Variants in CARD10 observed in about 807,000 individuals in gnomAD.
The protein encoded by CARD10 is caspase recruitment domain-containing protein 10.
In CARD10, 49 loss-of-function variants were observed where a neutral mutation model predicts 114.6. The observed-to-expected ratio is 0.43, with a 90% confidence interval of 0.34 to 0.54. The LOEUF (loss-of-function observed/expected upper bound fraction) is 0.54. Among genes scored for constraint, CARD10 ranks in the 20% least tolerant of loss-of-function variants. The pLI is 0.03. For synonymous variants in CARD10, 602 were observed against 593.2 expected, an observed-to-expected ratio of 1.01 and a Z score of -0.21; for missense variants, 1,206 against 1,397.2, an observed-to-expected ratio of 0.86 and a Z score of 2.18.
chr22:37,516,188 G>A lies in CARD10; in HGVS notation c.484C>T (p.Arg162Trp), dbSNP rs1393624241. 4 of 1,592,230 alleles carry A rather than the reference G, an allele frequency of 2.5e-6. No individual in the cohort carries two copies. Among genetic ancestry groups the A allele is most frequent in the Admixed American group, 1.7e-5 (1 of 57,192 alleles). Reference protein sequence around the residue: ...QREQQLQARGRVLEEERAGLE... With the variant: ...QREQQLQARGWVLEEERAGLE... ...CCTGCCCGCTCCTCCTCGAGCACCC[G>A]GCCCCGGGCCTGCAGTTGCTGCTCC... is the stretch of plus-strand genomic sequence containing the variant. Residue 162 changes from arginine (R) to tryptophan (W), a missense_variant, in exon 3 of 20, where the codon CGG becomes TGG. Around this residue, in one of 2 missense-constraint regions of CARD10, gnomAD observed 1,068 missense variants for 1,179.1 expected, o/e 0.91. Transcript: ENST00000251973.
At chr22:37,502,445 G>A (rs775998477) in intron 11 of CARD10, among the ~76,000 whole-genome samples, 157 bp downstream of exon 11, 11 of 152,244 alleles carry the variant, frequency 7.2e-5, no homozygotes, top group Non-Finnish European at 1.6e-4. Context: ...ATCAAGAGCG[G>A]CAGCAGGATT....
chr22:37,508,756 C>T (rs530557140), intron 4 of CARD10, 74 bp from the exon 5 acceptor site: 30 of 1,451,450 alleles, frequency 2.1e-5, no homozygotes, highest in East Asian at 1.7e-4. Flanking sequence ...GAAGGGGACA[C>T]GCAGCTCTCA....
intron 3 of CARD10, among the ~76,000 whole-genome samples, chr22:37,512,520 C>T (rs1315873935): frequency 6.8e-6 from 1 of 146,726 alleles, no homozygotes; most frequent in Non-Finnish European, 1.5e-5. Flanking sequence ...CACACACACA[C>T]GGGTCTGGAG....
At chr22:37,509,449 CAG>C (rs1324048272) in intron 4 of CARD10, among the ~76,000 whole-genome samples, 1 of 152,104 alleles carries the variant, frequency 6.6e-6, no homozygotes, top group Non-Finnish European at 1.5e-5. Flanking sequence ...GCCCTCAGCT[CAG>C]AGCTTCAGGC....
intron 11 of CARD10, among the ~76,000 whole-genome samples, chr22:37,497,480 G>A (rs995297715): frequency 5.9e-5 from 9 of 152,140 alleles, no homozygotes; most frequent in Non-Finnish European, 1.2e-4. Context: ...CCATCAGAAC[G>A]AACACCTTCA....
intron 7 of CARD10, 124 bp downstream of exon 7, chr22:37,506,068 C>T (rs187003463): frequency 3.9e-5 from 28 of 724,752 alleles, no homozygotes; most frequent in African/African-American, 1.6e-4. Flanking sequence ...CTTCCCACTT[C>T]CCCCAAGCTT....
intron 3 of CARD10, among the ~76,000 whole-genome samples, chr22:37,513,574 C>T (rs1446142634): frequency 2.0e-5 from 3 of 152,150 alleles, no homozygotes; most frequent in South Asian, 4.1e-4. Context: ...CCAATCGCAT[C>T]ACACCCAACC....
chr22:37,506,804 GGC>G (rs1923426905), intron 6 of CARD10, among the ~76,000 whole-genome samples: 1 of 152,166 alleles, frequency 6.6e-6, no homozygotes, highest in African/African-American at 2.4e-5. Context: ...GAAGACCAGG[GGC>G]TCCAGAGCTG....
intron 2 of CARD10, among the ~76,000 whole-genome samples, chr22:37,517,594 A>T (rs1923883612): frequency 6.6e-6 from 1 of 152,130 alleles, no homozygotes; most frequent in Admixed American, 6.5e-5. Context: ...GTGAGCTGAG[A>T]TCGCGCCACT....
chr22:37,500,636 A>G (rs1923179725), intron 11 of CARD10, among the ~76,000 whole-genome samples: 1 of 152,174 alleles, frequency 6.6e-6, no homozygotes, highest in African/African-American at 2.4e-5. Context: ...TGGGCACACA[A>G]TACGGATGTG....
rs757872768 is a variant in CARD10, at chr22:37,491,376, G to A, written c.2882C>T (p.Pro961Leu). The change falls in exon 20 of 20, where the codon CCG becomes CTG. Residue 961 changes from proline to leucine, a missense_variant. This residue lies in a region of CARD10 where 1,068 missense variants were observed against 1,179.1 expected (regional missense o/e 0.91). Coordinates refer to ENST00000251973, the MANE Select transcript of CARD10 (RefSeq NM_014550.4). ...VREVRGLLGRPGWRDSELLRQ... is the reference protein window; with the variant it reads ...VREVRGLLGRLGWRDSELLRQ... The stretch of plus-strand genomic sequence containing the variant: ...CAGCAGCTCTGAGTCCCGCCAGCCC[G>A]GCCGGCCCAGCAGACCCCTGCCGAG... The A allele has an allele frequency of 2.9e-5, 44 of 1,501,454 alleles. No individual in the cohort carries two copies. In the Middle Eastern group the frequency reaches 5.4e-4, roughly 18 times the overall value. 93.0% of individuals were successfully genotyped at this position (1,501,454 alleles called of 1,614,324 possible).
At chr22:37,515,317 C>T (rs1221755520) in intron 3 of CARD10, among the ~76,000 whole-genome samples, 1 of 152,140 alleles carries the variant, frequency 6.6e-6, no homozygotes, top group Non-Finnish European at 1.5e-5. Context: ...AATCCCAGCA[C>T]TTTGGGAGGC....
intron 10 of CARD10, 64 bp downstream of exon 10, chr22:37,503,121 G>A: frequency 6.5e-7 from 1 of 1,540,944 alleles, no homozygotes; most frequent in Non-Finnish European, 8.9e-7. Flanking sequence ...CAGGCTTCAG[G>A]TGGGCTGCAA....
At chr22:37,505,662 C>T (rs922703118) in intron 7 of CARD10, among the ~76,000 whole-genome samples, 6 of 150,574 alleles carry the variant, frequency 4.0e-5, no homozygotes, top group African/African-American at 1.2e-4. Flanking sequence ...AAGGAAAAAG[C>T]AGAGCTCCCG....
rs764400822 is a variant in CARD10 at position 37,508,082 on chromosome 22, C to T, written c.1066-128G>A. On this transcript the variant is annotated intron_variant, in intron 5 of 19. Coordinates refer to ENST00000251973, the MANE Select transcript of CARD10 (RefSeq NM_014550.4). Reference sequence around the variant, plus strand: ...CTGAGACCCAATAACAAGTCCCCTCCTGCCCAGTGGAGTGGTCTGAGCCAC... The same window carrying T: ...CTGAGACCCAATAACAAGTCCCCTCTTGCCCAGTGGAGTGGTCTGAGCCAC... 668 of 1,130,342 alleles carry T rather than the reference C, an allele frequency of 5.9e-4. 6 individuals carry two copies. The highest frequency in any genetic ancestry group is 5.0e-4 in the Admixed American group (25 of 49,704). 70.0% of individuals were successfully genotyped at this position (1,130,342 alleles called of 1,614,324 possible). A position where few individuals can be genotyped will look rare whatever the true frequency, so the allele number is the denominator to read the frequency against.
intron 7 of CARD10, 99 bp from the exon 8 acceptor site, chr22:37,504,868 A>T (rs998008826): frequency 6.7e-6 from 4 of 599,412 alleles, no homozygotes; most frequent in Admixed American, 8.5e-5. Flanking sequence ...ACAGGGACAG[A>T]TCCCTGTCCT....
Position 37,518,014 on chromosome 22 carries a change from C to T in CARD10, c.330G>A (p.Leu110=), listed in dbSNP as rs1923900023. The change falls in exon 2 of 20, where the codon CTG becomes CTA. Residue 110 remains leucine, a synonymous_variant. Transcript: ENST00000251973. ...GCTGGGCGGGTTCCTGGCCCGTGAG[C>T]AGCGTGAAGTGTTCGGGGTAGTAGA... is the stretch of plus-strand genomic sequence containing the variant. The part of the protein sequence containing the change: ...LEFYYPEHFT[L]LTGQEPAQRC... 1.2e-6 allele frequency: 2 copies of T among 1,614,026 alleles called. No homozygotes were observed. The highest frequency in any genetic ancestry group is 1.7e-6 in the Non-Finnish European group (2 of 1,179,980).
Position 37,519,244 on chromosome 22 carries a change from G to T in CARD10, c.-44C>A. On this transcript the variant is annotated 5_prime_UTR_variant, in exon 1 of 20. Transcript: ENST00000251973. The surrounding 1 kb of genome is among the most constrained non-coding windows in gnomAD (Gnocchi z 4.1). ...TGCGGGCAAGAGGCGCACGGGGGTCGACCAGGGCTCCCTAGGGCTAGATGT... is the reference window on the plus strand; with the variant it reads ...TGCGGGCAAGAGGCGCACGGGGGTCTACCAGGGCTCCCTAGGGCTAGATGT... 1 of 1,465,454 alleles carries T rather than the reference G, an allele frequency of 6.8e-7. No individual in the cohort carries two copies. The highest frequency in any genetic ancestry group is 1.4e-5 in the South Asian group (1 of 73,678). The allele number at this position is 1,465,454 out of a possible 1,614,324, so 90.8% of individuals were successfully genotyped here. A position where few individuals can be genotyped will look rare whatever the true frequency, so the allele number is the denominator to read the frequency against.
chr22:37,495,382 G>A, intron 15 of CARD10, 135 bp downstream of exon 15: 2 of 690,056 alleles, frequency 2.9e-6, no homozygotes, highest in East Asian at 2.7e-5. Context: ...TGGGCACATA[G>A]TAGATGACCA....
Sources: allele counts gnomAD v4.1 joint callset (sites outside exome capture counted in the v4.1 genomes callset), GRCh38; gene constraint gnomAD v4.1.1; regional missense constraint gnomAD v4.1.1; non-coding constraint Gnocchi (gnomAD v3.1); transcripts MANE v1.5; gene names NCBI Gene and HGNC (gene_info 2026-07-23, HGNC 2026-07-21).